Variants in EIF2B3 observed in about 807,000 individuals in gnomAD.
The protein encoded by EIF2B3 is eukaryotic translation initiation factor 2B subunit gamma.
Under a neutral mutation model 54.1 loss-of-function variants are expected in EIF2B3, and 20 were observed. The observed-to-expected ratio is 0.37, with a 90% CI of 0.26 to 0.54. The LOEUF is 0.54. EIF2B3 is among the 20% of genes least tolerant of loss of function. EIF2B3 has a pLI of 0.86. For synonymous variants in EIF2B3, 153 were observed against 188.1 expected (o/e 0.81, Z 1.52); for missense variants, 448 against 547.8 (o/e 0.82, Z 1.82).
At chr1:44,865,216 T>TAAAAAAAAAAAAA (rs57763807) in intron 10 of EIF2B3, among the ~76,000 whole-genome samples, 6 of 140,104 alleles carry the variant, frequency 4.3e-5, no homozygotes, top group Admixed American at 7.2e-5. Flanking sequence ...GACTCCATCT[T>TAAAAAAAAAAAAA]AAAAAAAAAA....
intron 10 of EIF2B3, among the ~76,000 whole-genome samples, chr1:44,867,880 A>G (rs1654832296): frequency 6.6e-6 from 1 of 151,878 alleles, no homozygotes; most frequent in Non-Finnish European, 1.5e-5. Context: ...AAAAAAAAAA[A>G]AAAAAAAAAA....
At chr1:44,861,378 A>G (rs1291105921) in intron 10 of EIF2B3, among the ~76,000 whole-genome samples, 4 of 152,176 alleles carry the variant, frequency 2.6e-5, no homozygotes, top group Middle Eastern at 3.2e-3. Flanking sequence ...CCAAGGTGGT[A>G]GTAGGGGTAT....
At chr1:44,851,595 A>T (rs1274264667) in intron 11 of EIF2B3, among the ~76,000 whole-genome samples, 1 of 152,198 alleles carries the variant, frequency 6.6e-6, no homozygotes, top group Non-Finnish European at 1.5e-5. Flanking sequence ...AAGGGATTCT[A>T]GGCTGTTAGA....
chr1:44,917,930 C>T (rs1407369090), intron 5 of EIF2B3, among the ~76,000 whole-genome samples: 25 of 150,878 alleles, frequency 1.7e-4, no homozygotes, highest in Non-Finnish European at 2.2e-4. Flanking sequence ...CCTGCCACCA[C>T]GCCCGGCTAA....
chr1:44,865,770 T>C (rs974667631), intron 10 of EIF2B3, among the ~76,000 whole-genome samples: 19 of 152,048 alleles, frequency 1.2e-4, no homozygotes, highest in African/African-American at 4.6e-4. Flanking sequence ...GGTTTCTCCA[T>C]GTTGGTCAGG....
chr1:44,918,717 C>T (rs544500591), intron 5 of EIF2B3, among the ~76,000 whole-genome samples: 1 of 152,274 alleles, frequency 6.6e-6, no homozygotes, highest in East Asian at 1.9e-4. Flanking sequence ...TGGTATTTTT[C>T]AGGTTTTCCA....
chr1:44,853,834 G>A (rs1182329375), intron 11 of EIF2B3, among the ~76,000 whole-genome samples: 1 of 152,150 alleles, frequency 6.6e-6, no homozygotes, highest in Non-Finnish European at 1.5e-5. Flanking sequence ...CTGCTGGCCA[G>A]GAGGATTTGA....
chr1:44,953,266 A>G lies in EIF2B3; in HGVS notation c.295-11601T>C, dbSNP rs191570606. 7.2e-3 allele frequency among the ~76,000 whole-genome samples: 1,075 copies of G among 149,664 alleles called. 8 individuals are homozygous for G. The highest frequency in any genetic ancestry group is 9.5e-3 in the Non-Finnish European group (637 of 66,718). On this transcript the variant is annotated intron_variant, in intron 3 of 11. Transcript: ENST00000360403. ...TGAAATTTTTCATTGAAAAAAAAGA[A>G]AAAAAAAAGAACCAGCCTCACTCTG...
chr1:44,984,378 G>A (rs1644546893), intron 1 of EIF2B3, among the ~76,000 whole-genome samples: 1 of 151,618 alleles, frequency 6.6e-6, no homozygotes, highest in African/African-American at 2.4e-5. Context: ...CCAGATACTC[G>A]GGAGGCTGAG....
chr1:44,916,259 T>C (rs1643620087), intron 5 of EIF2B3, among the ~76,000 whole-genome samples: 1 of 152,098 alleles, frequency 6.6e-6, no homozygotes, highest in African/African-American at 2.4e-5. Context: ...TCTCTCTCTG[T>C]TGTCCAGGCT....
chr1:44,916,747 C>G (rs1427891206), intron 5 of EIF2B3, among the ~76,000 whole-genome samples: 1 of 148,900 alleles, frequency 6.7e-6, no homozygotes, highest in African/African-American at 2.5e-5. Flanking sequence ...TGATTGAGCC[C>G]AGGAGGCAGA....
intron 3 of EIF2B3, among the ~76,000 whole-genome samples, chr1:44,958,375 G>C (rs1324457188): frequency 6.6e-6 from 1 of 152,192 alleles, no homozygotes; most frequent in South Asian, 2.1e-4. Context: ...TTGATTTCTA[G>C]ATAGAAGCTG....
intron 3 of EIF2B3, among the ~76,000 whole-genome samples, chr1:44,977,606 A>T (rs575668934): frequency 1.3e-5 from 2 of 152,096 alleles, no homozygotes; most frequent in East Asian, 3.9e-4. Flanking sequence ...CTAGGATTAC[A>T]GATGTGCACC....
intron 4 of EIF2B3, among the ~76,000 whole-genome samples, chr1:44,935,855 A>C (rs1369505577): frequency 1.3e-5 from 2 of 152,080 alleles, no homozygotes; most frequent in African/African-American, 2.4e-5. Context: ...TCAGACTCCA[A>C]GTTTCTTAAA....
At chr1:44,951,765 A>G (rs1436555166) in intron 3 of EIF2B3, among the ~76,000 whole-genome samples, 10 of 150,936 alleles carry the variant, frequency 6.6e-5, no homozygotes. Flanking sequence ...ATCCTTCCTT[A>G]AAACTTCAGC....
At chr1:44,958,094 T>C (rs1374624637) in intron 3 of EIF2B3, among the ~76,000 whole-genome samples, 5 of 152,212 alleles carry the variant, frequency 3.3e-5, no homozygotes, top group African/African-American at 9.6e-5. Context: ...AATGACTTTT[T>C]TTCCTTTCCA....
chr1:44,920,268 A>T (rs1218714599), intron 5 of EIF2B3, among the ~76,000 whole-genome samples: 1 of 152,024 alleles, frequency 6.6e-6, no homozygotes. Context: ...CATGCTAGGT[A>T]CATACACTGA....
At chr1:44,933,497 A>G (rs539936585) in intron 4 of EIF2B3, among the ~76,000 whole-genome samples, 84 of 152,298 alleles carry the variant, frequency 5.5e-4, no homozygotes, top group Middle Eastern at 3.4e-3. Flanking sequence ...ATGGAGTTAA[A>G]TGCCAAAAAA....
intron 2 of EIF2B3, among the ~76,000 whole-genome samples, chr1:44,979,527 G>T (rs1266429311): frequency 2.0e-5 from 3 of 149,320 alleles, no homozygotes; most frequent in African/African-American, 7.4e-5. Flanking sequence ...AGGTGTGGTG[G>T]CATGCATGTA....
Sources: allele counts gnomAD v4.1 joint callset (sites outside exome capture counted in the v4.1 genomes callset), GRCh38; gene constraint gnomAD v4.1.1; transcripts MANE v1.5; gene names NCBI Gene and HGNC (gene_info 2026-07-23, HGNC 2026-07-21).